The following CTNNA2 variants were observed in gnomAD, a reference collection of about 807,000 sequenced individuals.
The protein encoded by CTNNA2 is catenin alpha-2.
A neutral mutation model predicts 101.0 loss-of-function variants in CTNNA2; 42 were observed. The ratio of observed to expected loss-of-function variants is 0.42; its 90% CI spans 0.32 to 0.54. The LOEUF is 0.54. CTNNA2 is among the 20% of genes least tolerant of loss of function. The pLI is 0.14. For missense variants in CTNNA2, 871 were observed against 1,223.1 expected (o/e 0.71, Z 4.29); for synonymous variants, 450 against 456.4 (o/e 0.99, Z 0.18).
intron 1 of CTNNA2, among the ~76,000 whole-genome samples, chr2:79,642,783 T>G (rs1680535770): frequency 6.6e-6 from 1 of 151,912 alleles, no homozygotes. Context: ...CTCCTGTTTT[T>G]TTTTTTTCCC....
chr2:79,665,572 A>C (rs1044181873), intron 2 of CTNNA2, among the ~76,000 whole-genome samples: 2 of 152,230 alleles, frequency 1.3e-5, no homozygotes, highest in Non-Finnish European at 2.9e-5. Flanking sequence ...AAGGCAAGAC[A>C]CCAAGTTAAG....
At chr2:80,064,130 G>T (rs1697806163) in intron 7 of CTNNA2, among the ~76,000 whole-genome samples, 1 of 152,230 alleles carries the variant, frequency 6.6e-6, no homozygotes. Context: ...TCAAATCTTT[G>T]TTGCCCAGTC....
chr2:80,515,659 T>A (rs955164449), intron 9 of CTNNA2, among the ~76,000 whole-genome samples: 29 of 152,230 alleles, frequency 1.9e-4, no homozygotes, highest in Non-Finnish European at 4.3e-4. Flanking sequence ...TACATATTCT[T>A]TAAATTTGAA....
At chr2:79,812,665 A>G (rs2102548) in intron 3 of CTNNA2, among the ~76,000 whole-genome samples, 99,492 of 151,982 alleles carry the variant, frequency 0.65, 35,200 homozygotes, top group East Asian at 0.95. Context: ...GGAATTGCTT[A>G]CATTTATCTG....
intron 1 of CTNNA2, among the ~76,000 whole-genome samples, chr2:79,610,100 T>A (rs1678166293): frequency 6.6e-6 from 1 of 152,058 alleles, no homozygotes; most frequent in African/African-American, 2.4e-5. Context: ...AGTGTAACAT[T>A]TGGAGAAATA....
chr2:79,548,547 C>A (rs2104032378), intron 1 of CTNNA2, among the ~76,000 whole-genome samples: 1 of 152,312 alleles, frequency 6.6e-6, no homozygotes, highest in African/African-American at 2.4e-5. Flanking sequence ...CTTTACCTTT[C>A]TCCATCTAGA....
intron 9 of CTNNA2, among the ~76,000 whole-genome samples, chr2:80,475,834 GA>G (rs760215548): frequency 1.3e-5 from 2 of 151,646 alleles, no homozygotes; most frequent in Non-Finnish European, 2.9e-5. Context: ...GAAGGGGAAA[GA>G]AAAAACAGAA....
intron 7 of CTNNA2, chr2:80,162,731 T>C (rs1704407903): frequency 6.2e-7 from 1 of 1,610,934 alleles, no homozygotes; most frequent in Non-Finnish European, 8.5e-7. Flanking sequence ...ATTGAACTGA[T>C]GGTGAAAATC....
intron 4 of CTNNA2, among the ~76,000 whole-genome samples, chr2:79,411,872 C>G (rs1363386524): frequency 6.6e-6 from 1 of 152,052 alleles, no homozygotes; most frequent in Non-Finnish European, 1.5e-5. Flanking sequence ...ATCATAATGA[C>G]AGAATCAAAT....
chr2:80,644,301 C>T (rs1673821376), intron 18 of CTNNA2, among the ~76,000 whole-genome samples: 4 of 152,092 alleles, frequency 2.6e-5, no homozygotes, highest in African/African-American at 7.2e-5. Flanking sequence ...CAATGTCAGG[C>T]GTCTAGTAAG....
intron 4 of CTNNA2, among the ~76,000 whole-genome samples, chr2:79,389,451 G>A (rs753817814): frequency 9.9e-5 from 15 of 152,116 alleles, no homozygotes; most frequent in Non-Finnish European, 2.1e-4. Flanking sequence ...ACTAAGCAAT[G>A]TTCATAAACA....
chr2:79,985,698 C>T (rs1004030628), intron 7 of CTNNA2, among the ~76,000 whole-genome samples: 1 of 152,198 alleles, frequency 6.6e-6, no homozygotes, highest in Non-Finnish European at 1.5e-5. Flanking sequence ...ACAGACAGCA[C>T]TAGAAACAGA....
At chr2:80,034,444 C>G (rs549034887) in intron 7 of CTNNA2, among the ~76,000 whole-genome samples, 58 of 150,852 alleles carry the variant, frequency 3.8e-4, no homozygotes, top group Non-Finnish European at 7.4e-4. Context: ...ACTTCCACCT[C>G]CCAGGTTCAA....
intron 3 of CTNNA2, among the ~76,000 whole-genome samples, chr2:79,819,769 A>G (rs934266086): frequency 6.6e-6 from 1 of 152,144 alleles, no homozygotes; most frequent in African/African-American, 2.4e-5. Context: ...GATTGTACAT[A>G]TTGTATATTT....
chr2:80,180,659 G>T (rs570284150), intron 7 of CTNNA2, among the ~76,000 whole-genome samples: 1 of 152,294 alleles, frequency 6.6e-6, no homozygotes, highest in East Asian at 1.9e-4. Flanking sequence ...AAGGATGCAG[G>T]TCCTGCTCTC....
At chr2:80,095,432 A>G (rs1312034051) in intron 7 of CTNNA2, among the ~76,000 whole-genome samples, 2 of 152,162 alleles carry the variant, frequency 1.3e-5, no homozygotes, top group Non-Finnish European at 2.9e-5. Flanking sequence ...TTTTTGCGTC[A>G]ATGTTCATCA....
intron 7 of CTNNA2, among the ~76,000 whole-genome samples, chr2:80,272,795 C>T (rs935965386): frequency 5.3e-5 from 8 of 152,164 alleles, no homozygotes; most frequent in African/African-American, 1.9e-4. Flanking sequence ...TGAAACTGGT[C>T]ATTCTGTATT....
At chr2:79,404,594 TCGG>T (rs2104484037) in intron 4 of CTNNA2, among the ~76,000 whole-genome samples, 1 of 152,178 alleles carries the variant, frequency 6.6e-6, no homozygotes, top group African/African-American at 2.4e-5. Context: ...GCAGGGCAAC[TCGG>T]TTTGACTTAA....
intron 3 of CTNNA2, among the ~76,000 whole-genome samples, chr2:79,831,901 A>C (rs1211543898): frequency 6.6e-6 from 1 of 152,052 alleles, no homozygotes; most frequent in Non-Finnish European, 1.5e-5. Context: ...GATGATGAAT[A>C]ATTTCTGCAT....
Sources: gnomAD v4.1 joint callset for allele counts (sites outside exome capture counted in the v4.1 genomes callset) on GRCh38, gnomAD v4.1.1 for gene constraint, MANE v1.5 for transcripts, NCBI Gene and HGNC (gene_info 2026-07-23, HGNC 2026-07-21) for gene names.